The following PDIA6 variants were observed in gnomAD, a reference collection of about 807,000 sequenced individuals.
PDIA6 encodes protein disulfide isomerase family A member 6.
A neutral mutation model predicts 58.4 loss-of-function variants in PDIA6; 29 were observed. That is an observed-to-expected ratio of 0.50 (90% CI 0.37 to 0.68). The LOEUF is 0.68. Among genes scored for constraint, PDIA6 ranks in the 30% least tolerant of loss-of-function variants. The probability of loss-of-function intolerance (pLI) is 0.00; values close to 1 mark genes in which losing one functional copy is unlikely to be tolerated. For missense variants in PDIA6, 480 were observed against 551.0 expected, an observed-to-expected ratio of 0.87 and a Z score of 1.29; for synonymous variants, 192 against 202.6, an observed-to-expected ratio of 0.95 and a Z score of 0.44.
chr2:10,806,632 A>AGACAGACAGACAGACAGAC (rs1345997507), intron 1 of PDIA6, among the ~76,000 whole-genome samples: 4 of 121,252 alleles, frequency 3.3e-5, no homozygotes, highest in Admixed American at 8.3e-5. Flanking sequence ...TAAAGACAGA[A>AGACAGACAGACAGACAGAC]AGAAAGAAAG....
intron 11 of PDIA6, 33 bp downstream of exon 11, chr2:10,787,248 C>A (rs1332276411): frequency 1.9e-6 from 3 of 1,596,308 alleles, no homozygotes; most frequent in African/African-American, 1.3e-5. Flanking sequence ...AACAAACAGA[C>A]AAAACAACAA....
Position 10,783,711 on chromosome 2 carries a change from A to C in PDIA6, c.*547T>G, listed in dbSNP as rs1303281631. On this transcript the variant is annotated 3_prime_UTR_variant, in exon 13 of 13. Transcript: ENST00000272227. ...GTAAAATCTCTGTTGTGGTGGGCAT[A>C]GGTGGCACCATCTAAAGAAAAGAGG... The C allele has an allele frequency of 6.2e-6, 1 of 160,426 alleles. No homozygotes were observed. Among genetic ancestry groups the C allele is most frequent in the East Asian group, 1.9e-4 (1 of 5,380 alleles). The allele number at this position is 160,426 out of a possible 1,614,324, so 9.9% of individuals were successfully genotyped here. A position where few individuals can be genotyped will look rare whatever the true frequency, so the allele number is the denominator to read the frequency against.
Position 10,784,170 on chromosome 2 carries a change from A to G in PDIA6, c.*88T>C. ...TGGTTAAAAGGCCACTGGTAGAGTC[A>G]TCTGAGTGTAGAGAATGTCCCTTCA... is the stretch of plus-strand genomic sequence containing the variant. On this transcript the variant is annotated 3_prime_UTR_variant, in exon 13 of 13. Coordinates refer to ENST00000272227, the MANE Select transcript of PDIA6 (RefSeq NM_005742.4). 1 of 946,712 alleles carries G rather than the reference A, an allele frequency of 1.1e-6. No homozygotes were observed. The highest frequency in any genetic ancestry group is 1.6e-6 in the Non-Finnish European group (1 of 614,250). The allele number at this position is 946,712 out of a possible 1,614,324, so 58.6% of individuals were successfully genotyped here.
At chr2:10,784,396 T>A (rs1324497053) in intron 12 of PDIA6, 70 bp from the exon 13 acceptor site, 8 of 1,279,584 alleles carry the variant, frequency 6.3e-6, no homozygotes, top group Non-Finnish European at 8.9e-6. Flanking sequence ...CATCTCATTT[T>A]ATGGAAGAGC....
In PDIA6 at chr2:10,802,571, A is replaced by C; in HGVS notation, c.89T>G (p.Leu30Ter). ...TTCTCGGTTGAAATTCGATGGAGTTAATTCGATCACATCATCACTAGAGGA... is the reference window on the plus strand; with the variant it reads ...TTCTCGGTTGAAATTCGATGGAGTTCATTCGATCACATCATCACTAGAGGA... ...LYSSSDDVIE[L>*]TPSNFNREVI... Residue 30 changes from leucine (L) to a stop codon, truncating the protein, a stop_gained, in exon 2 of 13, where the codon TTA (leucine) becomes TGA (stop). Transcript: ENST00000272227. LOFTEE classifies it high-confidence loss of function. The C allele has an allele frequency of 6.7e-7, 1 of 1,493,350 alleles. No homozygotes were observed. The highest frequency in any genetic ancestry group is 8.9e-7 in the Non-Finnish European group (1 of 1,120,050). The allele number at this position is 1,493,350 out of a possible 1,614,324, so 92.5% of individuals were successfully genotyped here. A position where few individuals can be genotyped will look rare whatever the true frequency, so the allele number is the denominator to read the frequency against.
upstream of PDIA6, among the ~76,000 whole-genome samples, chr2:10,815,889 C>T (rs1272680518): frequency 6.6e-6 from 1 of 152,052 alleles, no homozygotes; most frequent in Non-Finnish European, 1.5e-5. Context: ...TAAATACATT[C>T]ACAATGTTGT....
chr2:10,825,603 T>G (rs1667532586), intron 1 of PDIA6, among the ~76,000 whole-genome samples: 1 of 152,160 alleles, frequency 6.6e-6, no homozygotes, highest in South Asian at 2.1e-4. Context: ...ATCTAGAATG[T>G]ATAAGGAATG....
chr2:10,814,234 T>A (rs1667120680), upstream of PDIA6, among the ~76,000 whole-genome samples: 1 of 152,164 alleles, frequency 6.6e-6, no homozygotes, highest in African/African-American at 2.4e-5. Context: ...GCACTAGAGC[T>A]GCGTTTGGAA....
At chr2:10,793,341 AAC>A in intron 4 of PDIA6, 139 bp from the exon 5 acceptor site, 1 of 609,952 alleles carries the variant, frequency 1.6e-6, no homozygotes, top group Non-Finnish European at 3.0e-6. Context: ...TCTCTGACAG[AAC>A]ACACTTTCTC....
chr2:10,836,052 C>A (rs1258523353), upstream of PDIA6, among the ~76,000 whole-genome samples: 7 of 146,802 alleles, frequency 4.8e-5, no homozygotes, highest in South Asian at 2.1e-4. Context: ...GACTCTGTCT[C>A]AAAAAAAAAA....
intron 2 of PDIA6, among the ~76,000 whole-genome samples, chr2:10,818,426 C>G (rs1244239985): frequency 6.6e-6 from 1 of 151,934 alleles, no homozygotes; most frequent in Non-Finnish European, 1.5e-5. Flanking sequence ...CTCAGCCTCC[C>G]AAAGTGTTGG....
rs770203716 is a variant in PDIA6 at position 10,797,067 on chromosome 2, G to A, written c.346+14C>T. 2.5e-6 allele frequency: 4 copies of A among 1,611,944 alleles called. No individual in the cohort carries two copies. The highest frequency in any genetic ancestry group is 2.2e-5 in the South Asian group (2 of 90,820). On this transcript the variant is annotated intron_variant, in intron 4 of 12. Transcript: ENST00000272227. ...GTCTACCAGGGGAATGAAGTAGCTA[G>A]GAAAAGTCCTTACCTTGGTAATCTT...
chr2:10,793,269 C>G, intron 4 of PDIA6, 67 bp from the exon 5 acceptor site: 3 of 1,039,640 alleles, frequency 2.9e-6, no homozygotes, highest in Non-Finnish European at 4.5e-6. Context: ...TGGCCCGGCC[C>G]AAGACTGTGT....
intron 1 of PDIA6, among the ~76,000 whole-genome samples, chr2:10,810,760 C>A (rs1471675779): frequency 5.9e-5 from 9 of 152,230 alleles, no homozygotes; most frequent in African/African-American, 1.9e-4. Context: ...AAGTAGCCAA[C>A]AACTACCTCC....
Position 10,797,090 on chromosome 2 carries a change from C to G in PDIA6, c.337G>C (p.Asp113His). The change falls in exon 4 of 13, where the codon GAT becomes CAT. Residue 113 changes from aspartate (D) to histidine (H), a missense_variant. Coordinates refer to ENST00000272227, the MANE Select transcript of PDIA6 (RefSeq NM_005742.4). ...IFGSNKNRPE[D>H]YQGGRTGEAI... ...TAGGAAAAGTCCTTACCTTGGTAATCTTCTGGTCTGTTTTTGTTGGATCCA... is the reference window on the plus strand; with the variant it reads ...TAGGAAAAGTCCTTACCTTGGTAATGTTCTGGTCTGTTTTTGTTGGATCCA... 1 of 1,613,496 alleles carries G rather than the reference C, an allele frequency of 6.2e-7. No individual in the cohort carries two copies. Among genetic ancestry groups the G allele is most frequent in the Non-Finnish European group, 8.5e-7 (1 of 1,179,582 alleles).
chr2:10,789,658 G>A (rs1376239742), intron 8 of PDIA6, 91 bp downstream of exon 8: 3 of 1,139,718 alleles, frequency 2.6e-6, no homozygotes, highest in African/African-American at 1.5e-5. Context: ...ATCTTTAAGG[G>A]CATAAAATGA....
intron 4 of PDIA6, among the ~76,000 whole-genome samples, chr2:10,795,289 A>T (rs1259921822): frequency 6.6e-6 from 1 of 152,232 alleles, no homozygotes; most frequent in Non-Finnish European, 1.5e-5. Flanking sequence ...GTGTTCCAAT[A>T]AACTAAATTT....
chr2:10,836,493 A>G (rs1667834751), upstream of PDIA6, among the ~76,000 whole-genome samples: 1 of 151,236 alleles, frequency 6.6e-6, no homozygotes, highest in African/African-American at 2.4e-5. Context: ...GATTAAAGGC[A>G]TGAGCCACTG....
At position 10,788,777 on chromosome 2, in the gene PDIA6, A is replaced by G. The variant is rs766510972; in HGVS notation, c.926-8T>C. The G allele has an allele frequency of 6.2e-7, 1 of 1,608,612 alleles. No individual in the cohort carries two copies. The highest frequency in any genetic ancestry group is 1.3e-5 in the African/African-American group (1 of 74,832). ...AATTTCTGCCTGCAGCTCCTGATTTAAATAGACAAAGTTTTTTAAAGGTAA... is the reference window on the plus strand; with the variant it reads ...AATTTCTGCCTGCAGCTCCTGATTTGAATAGACAAAGTTTTTTAAAGGTAA... On this transcript the variant is annotated splice_polypyrimidine_tract_variant and splice_region_variant and intron_variant, in intron 9 of 12. Coordinates refer to ENST00000272227, the MANE Select transcript of PDIA6 (RefSeq NM_005742.4).
Sources: allele counts gnomAD v4.1 joint callset (sites outside exome capture counted in the v4.1 genomes callset), GRCh38; gene constraint gnomAD v4.1.1; transcripts MANE v1.5; gene names NCBI Gene and HGNC (gene_info 2026-07-23, HGNC 2026-07-21).